TAF3: variants seen among roughly 807,000 people sequenced by gnomAD.
TAF3 encodes the protein transcription initiation factor TFIID subunit 3.
A neutral mutation model predicts 80.6 loss-of-function variants in TAF3; 7 were observed. The observed-to-expected ratio is 0.09, with a 90% CI of 0.05 to 0.16. TAF3 has a LOEUF of 0.16. Among genes scored for constraint, TAF3 ranks in the 10% least tolerant of loss-of-function variants. The probability of loss-of-function intolerance (pLI) is 1.00; values close to 1 mark genes in which losing one functional copy is unlikely to be tolerated. For missense variants in TAF3, 921 were observed against 1,140.2 expected (o/e 0.81, Z 2.77); for synonymous variants, 444 against 446.1 (o/e 1.00, Z 0.06).
At chr10:7,939,917 A>G (rs1837961513) in intron 2 of TAF3, among the ~76,000 whole-genome samples, 1 of 152,212 alleles carries the variant, frequency 6.6e-6, no homozygotes, top group African/African-American at 2.4e-5. Context: ...CAAAGAAATA[A>G]CACAAGAAAA....
At chr10:7,923,593 A>C (rs532816865) in intron 2 of TAF3, among the ~76,000 whole-genome samples, 1 of 151,630 alleles carries the variant, frequency 6.6e-6, no homozygotes, top group East Asian at 1.9e-4. Context: ...AAAAAAACAA[A>C]ACAAAACAAA....
chr10:7,879,005 G>T (rs1009284569), intron 2 of TAF3, among the ~76,000 whole-genome samples: 2 of 152,110 alleles, frequency 1.3e-5, no homozygotes, highest in African/African-American at 4.8e-5. Context: ...TGGGATTACA[G>T]GCATAAGTCA....
At chr10:7,849,675 C>CTT (rs536706388) in intron 2 of TAF3, among the ~76,000 whole-genome samples, 9 of 145,204 alleles carry the variant, frequency 6.2e-5, no homozygotes, top group Non-Finnish European at 1.1e-4. Flanking sequence ...TTCATGCGAA[C>CTT]TTTTTTTTTT....
At chr10:7,927,773 TAAAAG>T in intron 2 of TAF3, among the ~76,000 whole-genome samples, 1 of 152,184 alleles carries the variant, frequency 6.6e-6, no homozygotes, top group Middle Eastern at 3.2e-3. Flanking sequence ...ACCAGATTTA[TAAAAG>T]AAAGTATAAA....
At chr10:7,918,809 A>G (rs1837736187) in intron 2 of TAF3, among the ~76,000 whole-genome samples, 1 of 152,204 alleles carries the variant, frequency 6.6e-6, no homozygotes, top group Non-Finnish European at 1.5e-5. Context: ...AAAGTCTTCA[A>G]AAAAGGAAGA....
intron 2 of TAF3, among the ~76,000 whole-genome samples, chr10:7,922,014 A>T (rs1837767417): frequency 6.6e-6 from 1 of 152,070 alleles, no homozygotes. Flanking sequence ...AATTTTTGTT[A>T]GACTTGAATT....
At chr10:7,885,170 A>T (rs1033626518) in intron 2 of TAF3, among the ~76,000 whole-genome samples, 3 of 152,044 alleles carry the variant, frequency 2.0e-5, no homozygotes, top group African/African-American at 7.2e-5. Flanking sequence ...TGGTTGCATG[A>T]CAGTGTGAAA....
chr10:7,827,802 A>C (rs546466147), intron 2 of TAF3, among the ~76,000 whole-genome samples: 2 of 150,904 alleles, frequency 1.3e-5, no homozygotes, highest in Non-Finnish European at 3.0e-5. Context: ...AAAAACAAAA[A>C]CAAAAACTTA....
At chr10:7,864,038 C>T (rs1837184416) in intron 2 of TAF3, among the ~76,000 whole-genome samples, 1 of 152,110 alleles carries the variant, frequency 6.6e-6, no homozygotes, top group South Asian at 2.1e-4. Context: ...CTGTCAGTAT[C>T]CTAAGCCAGT....
intron 2 of TAF3, among the ~76,000 whole-genome samples, chr10:7,891,827 A>T (rs1837459335): frequency 6.6e-6 from 1 of 152,212 alleles, no homozygotes; most frequent in Admixed American, 6.5e-5. Flanking sequence ...AATAGTTTAC[A>T]TGCATCTTGA....
chr10:7,962,449 C>G (rs889285808), intron 2 of TAF3, among the ~76,000 whole-genome samples: 1 of 152,182 alleles, frequency 6.6e-6, no homozygotes, highest in Non-Finnish European at 1.5e-5. Flanking sequence ...CCTTCTAGGT[C>G]CAAACTACCA....
intron 2 of TAF3, among the ~76,000 whole-genome samples, chr10:7,898,731 CAATT>C (rs1169108697): frequency 1.3e-5 from 2 of 152,104 alleles, no homozygotes; most frequent in South Asian, 2.1e-4. Context: ...GCTCTTCAGA[CAATT>C]AATGTTTTTT....
At chr10:7,994,923 C>T (rs1474458042) in intron 4 of TAF3, among the ~76,000 whole-genome samples, 11 of 142,362 alleles carry the variant, frequency 7.7e-5, no homozygotes, top group African/African-American at 2.6e-4. Context: ...TGCAGTGAGC[C>T]GAGATCACAC....
At chr10:7,958,441 C>T (rs1302356909) in intron 2 of TAF3, among the ~76,000 whole-genome samples, 3 of 152,036 alleles carry the variant, frequency 2.0e-5, no homozygotes, top group Admixed American at 6.6e-5. Context: ...TGAACTACAG[C>T]TGCCTGCATC....
At chr10:7,851,085 A>G (rs1278329478) in intron 2 of TAF3, among the ~76,000 whole-genome samples, 1 of 152,224 alleles carries the variant, frequency 6.6e-6, no homozygotes, top group African/African-American at 2.4e-5. Context: ...AGTAAATTCT[A>G]TAGTATGTTT....
intron 2 of TAF3, among the ~76,000 whole-genome samples, chr10:7,832,189 C>G (rs1836807959): frequency 6.6e-6 from 1 of 151,990 alleles, no homozygotes; most frequent in South Asian, 2.1e-4. Flanking sequence ...TCTCTGTATC[C>G]CCACATCCCC....
chr10:7,818,524 C>A lies in TAF3; in HGVS notation c.-186C>A. On this transcript the variant is annotated 5_prime_UTR_variant, in exon 1 of 7. Coordinates refer to ENST00000344293, the MANE Select transcript of TAF3 (RefSeq NM_031923.4). ...CCGTCCAGCGGGAGGCGGAGCGAGTCCAAAATGGCGGCTCTCAGGCTGGCG... is the reference window on the plus strand; with the variant it reads ...CCGTCCAGCGGGAGGCGGAGCGAGTACAAAATGGCGGCTCTCAGGCTGGCG... 1 of 541,314 alleles carries A rather than the reference C, an allele frequency of 1.8e-6. No individual in the cohort carries two copies. The highest frequency in any genetic ancestry group is 3.1e-6 in the Non-Finnish European group (1 of 324,984). The allele number at this position is 541,314 out of a possible 1,614,324, so 33.5% of individuals were successfully genotyped here.
intron 2 of TAF3, among the ~76,000 whole-genome samples, chr10:7,903,608 A>G (rs1837580122): frequency 6.6e-6 from 1 of 152,240 alleles, no homozygotes; most frequent in Non-Finnish European, 1.5e-5. Context: ...CATCTTTGGA[A>G]TTGCTTAGCT....
In TAF3 at chr10:7,841,140, C is replaced by T. The variant is rs952207107; in HGVS notation, c.409+16580C>T. ...TGCTGGGATTACAGGCGTGAGCTGC[C>T]GCGCCCGGCCTAGAGCTTTCCTATT... is the stretch of plus-strand genomic sequence containing the variant. On this transcript the variant is annotated intron_variant, in intron 2 of 6. Transcript: ENST00000344293. Among the ~76,000 whole-genome samples the T allele has an allele frequency of 3.9e-5, 6 of 152,222 alleles. No individual in the cohort carries two copies. The South Asian group carries it at 1.0e-3, about 26-fold the overall frequency.
Sources: gnomAD v4.1 joint callset for allele counts (sites outside exome capture counted in the v4.1 genomes callset) on GRCh38, gnomAD v4.1.1 for gene constraint, MANE v1.5 for transcripts, NCBI Gene and HGNC (gene_info 2026-07-23, HGNC 2026-07-21) for gene names.